MED6: variants seen among roughly 807,000 people sequenced by gnomAD.
MED6 encodes the protein mediator complex subunit 6.
A neutral mutation model predicts 37.5 loss-of-function variants in MED6; 33 were observed. The observed-to-expected ratio is 0.88, with a 90% CI of 0.67 to 1.18. MED6 has a LOEUF of 1.18. MED6 is among the 50% of genes most tolerant of loss of function. The probability of loss-of-function intolerance (pLI) is 0.00; values close to 1 mark genes in which losing one functional copy is unlikely to be tolerated. For synonymous variants in MED6, 94 were observed against 93.6 expected (o/e 1.00, Z -0.02); for missense variants, 235 against 290.6 (o/e 0.81, Z 1.39).
chr14:70,600,645 A>G lies in MED6; in HGVS notation c.-8T>C. ...GATATCCACCGCCGCCATAATTCCG[A>G]GAGCGTTTACAGGTTCTCTTTCCGG... On this transcript the variant is annotated 5_prime_UTR_variant, in exon 1 of 8. Transcript: ENST00000256379. The G allele has an allele frequency of 1.2e-6, 2 of 1,613,258 alleles. No homozygotes were observed. The highest frequency in any genetic ancestry group is 1.3e-5 in the African/African-American group (1 of 74,632).
At chr14:70,599,989 C>T (rs1885157135) in intron 1 of MED6, among the ~76,000 whole-genome samples, 2 of 152,052 alleles carry the variant, frequency 1.3e-5, no homozygotes, top group Admixed American at 1.3e-4. Context: ...ACAAAAACAA[C>T]TCTACATGCT....
chr14:70,592,478 C>CTTTTTTTTTTTTTTTTTTTTTTT (rs201036704), intron 5 of MED6: 4 of 88,836 alleles, frequency 4.5e-5, no homozygotes, highest in African/African-American at 2.4e-4. Context: ...TCCTATGTTC[C>CTTTTTTTTTTTTTTTTTTTTTTT]TTTTTTTTTT....
chr14:70,588,370 G>A (rs1884770724), intron 6 of MED6, among the ~76,000 whole-genome samples: 1 of 152,074 alleles, frequency 6.6e-6, no homozygotes, highest in Non-Finnish European at 1.5e-5. Context: ...GAAATGATAT[G>A]AAATCTGCAG....
At chr14:70,588,208 C>T (rs182478773) in intron 6 of MED6, among the ~76,000 whole-genome samples, 1 of 152,166 alleles carries the variant, frequency 6.6e-6, no homozygotes, top group African/African-American at 2.4e-5. Context: ...AGAAAGCCAT[C>T]TTTCTCCTAG....
chr14:70,599,673 CTT>C (rs1433180984), intron 1 of MED6, among the ~76,000 whole-genome samples: 1 of 152,192 alleles, frequency 6.6e-6, no homozygotes, highest in Non-Finnish European at 1.5e-5. Flanking sequence ...ATTTTAGAGT[CTT>C]TGCCATGATC....
chr14:70,593,461 T>G, intron 3 of MED6, 83 bp from the exon 4 acceptor site: 2 of 1,124,528 alleles, frequency 1.8e-6, no homozygotes, highest in Non-Finnish European at 1.3e-6. Context: ...AAATAAAATC[T>G]GACATTTTCC....
In MED6 at chr14:70,593,316, A is replaced by T. The variant is rs750060414; in HGVS notation, c.337T>A (p.Ser113Thr). The change falls in exon 4 of 8, where the codon TCA (serine) becomes ACA (threonine). Residue 113 changes from serine to threonine, a missense_variant. By Grantham distance (58) the Ser-to-Thr change is moderately conservative. Transcript: ENST00000256379. ...CTTACCACTCTAGAGTTTATAACTG[A>T]TCCCAAGTCTGGTGCCTGATAGATC... ...GVIYQAPDLG[S>T]VINSRVLTAV... 2 of 1,613,884 alleles carry T rather than the reference A, an allele frequency of 1.2e-6. No individual in the cohort carries two copies. The highest frequency in any genetic ancestry group is 1.7e-6 in the Non-Finnish European group (2 of 1,179,824).
chr14:70,588,819 G>A (rs1325611892), intron 6 of MED6, among the ~76,000 whole-genome samples: 1 of 151,600 alleles, frequency 6.6e-6, no homozygotes, highest in Non-Finnish European at 1.5e-5. Flanking sequence ...AAAGGGTAGA[G>A]GGGGTTTCAT....
At position 70,584,402 on chromosome 14, in the gene MED6, T is replaced by G; in HGVS notation, c.*411A>C. 2.6e-6 allele frequency: 1 copy of G among 381,056 alleles called. No homozygotes were observed. 23.6% of individuals were successfully genotyped at this position (381,056 alleles called of 1,614,324 possible). A position where few individuals can be genotyped will look rare whatever the true frequency, so the allele number is the denominator to read the frequency against. On this transcript the variant is annotated 3_prime_UTR_variant, in exon 8 of 8. Transcript: ENST00000256379. ...TCTTTTCTTCTTTTTTGAGACAAAG[T>G]CTCGCTCTGTCGCCCAAGCTGGAGT...
At chr14:70,589,780 T>C (rs1389478702) in intron 6 of MED6, among the ~76,000 whole-genome samples, 2 of 152,158 alleles carry the variant, frequency 1.3e-5, no homozygotes, top group African/African-American at 4.8e-5. Context: ...TCATCTTCCA[T>C]TACTCTTCCC....
chr14:70,586,589 A>G (rs118180282), intron 6 of MED6, among the ~76,000 whole-genome samples: 6,624 of 152,248 alleles, frequency 0.044, 191 homozygotes, highest in Non-Finnish European at 0.069. Flanking sequence ...TATTACTTCC[A>G]TATCATCTTA....
At chr14:70,596,573 T>G in intron 3 of MED6, 38 bp downstream of exon 3, 1 of 1,501,646 alleles carries the variant, frequency 6.7e-7, no homozygotes, top group Non-Finnish European at 9.2e-7. Context: ...TTATGGTATT[T>G]TAAAAAGAAA....
intron 3 of MED6, chr14:70,594,690 G>A (rs374870713): frequency 1.3e-4 from 59 of 456,038 alleles, no homozygotes; most frequent in Non-Finnish European, 2.1e-4. Flanking sequence ...CCAGATCTCC[G>A]TGTCCCGCTC....
intron 6 of MED6, among the ~76,000 whole-genome samples, chr14:70,586,363 CTTGA>C (rs769298800): frequency 6.6e-6 from 1 of 152,162 alleles, no homozygotes; most frequent in Non-Finnish European, 1.5e-5. Context: ...AATTCTTTCA[CTTGA>C]TTAAGCTCTG....
At position 70,584,102 on chromosome 14, in the gene MED6, T is replaced by G. The variant is rs1025670576; in HGVS notation, c.*711A>C. 18 of 693,946 alleles carry G rather than the reference T, an allele frequency of 2.6e-5. No homozygotes were observed. Among genetic ancestry groups the G allele is most frequent in the Non-Finnish European group, 4.4e-5 (17 of 386,388 alleles). The allele number at this position is 693,946 out of a possible 1,614,324, so 43.0% of individuals were successfully genotyped here. The stretch of plus-strand genomic sequence containing the variant: ...CTTCATCTTCCAAAATGTCAGCAAC[T>G]GTTTATTTTAATACTGAGGATTATG... On this transcript the variant is annotated 3_prime_UTR_variant, in exon 8 of 8. Transcript: ENST00000256379.
chr14:70,587,426 T>C (rs1884743387), intron 6 of MED6, among the ~76,000 whole-genome samples: 1 of 152,168 alleles, frequency 6.6e-6, no homozygotes, highest in Admixed American at 6.5e-5. Flanking sequence ...CTTGTGAAAA[T>C]ATCAATACTT....
At chr14:70,595,592 C>G (rs1384048129) in intron 3 of MED6, 5 of 733,994 alleles carry the variant, frequency 6.8e-6, no homozygotes, top group Non-Finnish European at 1.2e-5. Context: ...TGGCACAGGC[C>G]GGGGCAGAGA....
chr14:70,585,662 TG>T (rs1455832870), intron 7 of MED6, 93 bp downstream of exon 7: 5 of 1,117,732 alleles, frequency 4.5e-6, no homozygotes, highest in Non-Finnish European at 6.1e-6. Context: ...AAGGACAAAA[TG>T]ACCACAGCTC....
chr14:70,600,306 C>G (rs1190968097), intron 1 of MED6, among the ~76,000 whole-genome samples: 1 of 152,158 alleles, frequency 6.6e-6, no homozygotes, highest in Admixed American at 6.5e-5. Context: ...CATTCCTTCA[C>G]TCCAATAGAA....
Sources: gnomAD v4.1 joint callset for allele counts (sites outside exome capture counted in the v4.1 genomes callset) on GRCh38, gnomAD v4.1.1 for gene constraint, MANE v1.5 for transcripts, NCBI Gene and HGNC (gene_info 2026-07-23, HGNC 2026-07-21) for gene names.